Variants in XRCC1 observed in about 807,000 individuals in gnomAD.
XRCC1 encodes X-ray repair cross complementing 1, also known as DNA repair protein XRCC1.
Under a neutral mutation model 83.3 loss-of-function variants are expected in XRCC1, and 52 were observed. The ratio of observed to expected loss-of-function variants is 0.62; its 90% CI spans 0.50 to 0.79. The LOEUF (loss-of-function observed/expected upper bound fraction) is 0.79, where lower values mean the gene tolerates loss of function less well. Ranked by LOEUF, XRCC1 falls within the 30% of genes least tolerant of loss-of-function variation. The pLI is 0.00. For missense variants in XRCC1, 793 were observed against 823.5 expected (o/e 0.96, Z 0.45); for synonymous variants, 281 against 312.6 (o/e 0.90, Z 1.07).
intron 2 of XRCC1, among the ~76,000 whole-genome samples, chr19:43,562,711 C>T (rs1972712787): frequency 6.6e-6 from 1 of 152,106 alleles, no homozygotes; most frequent in Non-Finnish European, 1.5e-5. Flanking sequence ...CATCACTGTA[C>T]TCTGGGCGAC....
intron 2 of XRCC1, among the ~76,000 whole-genome samples, chr19:43,573,667 G>A (rs181604056): frequency 1.3e-4 from 20 of 152,204 alleles, no homozygotes; most frequent in African/African-American, 4.8e-4. Flanking sequence ...GAGCCCAGGA[G>A]TTTGAGACCA....
chr19:43,553,160 G>A, intron 6 of XRCC1, 69 bp from the exon 7 acceptor site: 1 of 1,469,196 alleles, frequency 6.8e-7, no homozygotes, highest in Non-Finnish European at 9.3e-7. Flanking sequence ...CCTATCTATG[G>A]GACACAGAAT....
intron 12 of XRCC1, 41 bp downstream of exon 12, chr19:43,546,554 C>G (rs757409494): frequency 1.3e-6 from 2 of 1,578,028 alleles, no homozygotes; most frequent in African/African-American, 2.8e-5. Flanking sequence ...CCCTCAGACT[C>G]AGGAGCCCAG....
intron 10 of XRCC1, 90 bp from the exon 11 acceptor site, chr19:43,547,067 A>G: frequency 7.9e-7 from 1 of 1,267,094 alleles, no homozygotes. Flanking sequence ...TTACTAAAAT[A>G]CTCACTCTAG....
chr19:43,555,974 C>T (rs1469094299), intron 3 of XRCC1, among the ~76,000 whole-genome samples: 2 of 152,174 alleles, frequency 1.3e-5, no homozygotes, highest in Admixed American at 6.6e-5. Flanking sequence ...ACTGCAGCCT[C>T]GACCTCTGGG....
chr19:43,574,886 G>A, intron 2 of XRCC1, 24 bp downstream of exon 2: 2 of 1,594,602 alleles, frequency 1.3e-6, no homozygotes, highest in Non-Finnish European at 1.7e-6. Flanking sequence ...TCCTAGTGAG[G>A]AGGAGGTGGG....
chr19:43,548,765 T>TAAAAAAAAA (rs1568512364), intron 10 of XRCC1, among the ~76,000 whole-genome samples: 1 of 15,052 alleles, frequency 6.6e-5, no homozygotes, highest in Non-Finnish European at 1.2e-4. Flanking sequence ...CCAAGAATGA[T>TAAAAAAAAA]CAAAAAAAAA....
chr19:43,560,945 T>C lies in XRCC1; in HGVS notation c.220A>G (p.Ser74Gly), dbSNP rs1439820310. 1.9e-6 allele frequency: 3 copies of C among 1,614,204 alleles called. No individual in the cohort carries two copies. Among genetic ancestry groups the C allele is most frequent in the Non-Finnish European group, 2.5e-6 (3 of 1,180,030 alleles). ...TGCTCCCCAGCGCCTCCAGCTGAAC[T>C]GCCCACCAGCACCTCCACGAAAGCT... is the stretch of plus-strand genomic sequence containing the variant. ...GSAFVEVLVG[S>G]SAGGAGEQDY... The change falls in exon 3 of 17, where the codon AGT becomes GGT. Residue 74 changes from serine to glycine, a missense_variant. Transcript: ENST00000262887.
At chr19:43,569,412 C>T (rs1274973564) in intron 2 of XRCC1, among the ~76,000 whole-genome samples, 1 of 150,760 alleles carries the variant, frequency 6.6e-6, no homozygotes, top group African/African-American at 2.4e-5. Flanking sequence ...GGAGGTCGAG[C>T]CTGTAGTGAG....
At chr19:43,568,497 A>AAAGTAAGT (rs200331399) in intron 2 of XRCC1, among the ~76,000 whole-genome samples, 9 of 151,928 alleles carry the variant, frequency 5.9e-5, no homozygotes, top group African/African-American at 1.9e-4. Context: ...ATTCTGTCTC[A>AAAGTAAGT]AAGTAAGTAA....
chr19:43,558,153 T>C (rs879514523), intron 3 of XRCC1, among the ~76,000 whole-genome samples: 2 of 152,222 alleles, frequency 1.3e-5, no homozygotes, highest in African/African-American at 2.4e-5. Flanking sequence ...GTTTTCTTTT[T>C]TCTTTTTCTC....
At chr19:43,560,870 G>A (rs1568516313) in intron 3 of XRCC1, 40 bp downstream of exon 3, 1 of 1,521,998 alleles carries the variant, frequency 6.6e-7, no homozygotes, top group Middle Eastern at 1.7e-4. Flanking sequence ...AGCATGAGGG[G>A]CAGAGGTCAG....
intron 2 of XRCC1, among the ~76,000 whole-genome samples, chr19:43,566,570 G>C (rs1337153498): frequency 1.4e-5 from 2 of 143,428 alleles, no homozygotes; most frequent in Non-Finnish European, 3.1e-5. Flanking sequence ...TACTTTTTAA[G>C]AATCTGATAA....
At chr19:43,572,095 T>C (rs924955809) in intron 2 of XRCC1, among the ~76,000 whole-genome samples, 26 of 152,168 alleles carry the variant, frequency 1.7e-4, no homozygotes, top group African/African-American at 5.3e-4. Context: ...GGGTTTACCA[T>C]GTTGGTGACC....
intron 2 of XRCC1, among the ~76,000 whole-genome samples, chr19:43,566,354 G>A (rs1295477284): frequency 4.0e-5 from 6 of 151,788 alleles, no homozygotes; most frequent in African/African-American, 1.5e-4. Flanking sequence ...CCAAGAGGGT[G>A]AAACCCCGTC....
chr19:43,545,401 A>G lies in XRCC1; in HGVS notation c.1621+417T>C, dbSNP rs535482960. Among the ~76,000 whole-genome samples, 8 of 152,350 alleles carry G rather than the reference A, an allele frequency of 5.3e-5. No individual in the cohort carries two copies. The South Asian group carries it at 1.7e-3, about 32-fold the overall frequency. On this transcript the variant is annotated intron_variant, in intron 14 of 16. Transcript: ENST00000262887. Reference sequence around the variant, plus strand: ...CCAGAGTGATGGCTGATGTTAAAGCAGACACTGGTGTGCACCCACCCAGGG... The same window carrying G: ...CCAGAGTGATGGCTGATGTTAAAGCGGACACTGGTGTGCACCCACCCAGGG...
chr19:43,552,243 G>C lies in XRCC1; in HGVS notation c.856C>G (p.Pro286Ala), dbSNP rs747428172. 1.9e-6 allele frequency: 3 copies of C among 1,611,708 alleles called. No individual in the cohort carries two copies. The highest frequency in any genetic ancestry group is 1.1e-5 in the South Asian group (1 of 90,928). The change falls in exon 9 of 17, where the codon CCA (proline) becomes GCA (alanine). Residue 286 changes from proline to alanine, a missense_variant. Physicochemically the swap from Pro to Ala is conservative, Grantham distance 27. Coordinates refer to ENST00000262887, the MANE Select transcript of XRCC1 (RefSeq NM_006297.3). The part of the protein sequence containing the change: ...PAPTRTPATA[P>A]VPARAQGAVT... ...GCCCCCTGTGCTCGGGCAGGGACTG[G>C]GGCTGTGGCTGGGGTACGAGTTGGA... is the stretch of plus-strand genomic sequence containing the variant.
chr19:43,575,517 G>A lies in XRCC1; in HGVS notation c.-59C>T. The stretch of plus-strand genomic sequence containing the variant: ...TGAGGTAGAGTATGGGGTCCGAGGG[G>A]CAGGGAGAGTGGGAGGGGGCGGGGT... On this transcript the variant is annotated 5_prime_UTR_variant, in exon 1 of 17. Coordinates refer to ENST00000262887, the MANE Select transcript of XRCC1 (RefSeq NM_006297.3). The A allele has an allele frequency of 6.4e-7, 1 of 1,569,490 alleles. No homozygotes were observed. Among genetic ancestry groups the A allele is most frequent in the East Asian group, 2.3e-5 (1 of 43,656 alleles).
At chr19:43,561,104 T>A in intron 2 of XRCC1, 84 bp from the exon 3 acceptor site, 1 of 1,082,054 alleles carries the variant, frequency 9.2e-7, no homozygotes, top group South Asian at 1.3e-5. Flanking sequence ...CTCCTTTGGA[T>A]CACCATGTCC....
Sources: gnomAD v4.1 joint callset for allele counts (sites outside exome capture counted in the v4.1 genomes callset) on GRCh38, gnomAD v4.1.1 for gene constraint, MANE v1.5 for transcripts, NCBI Gene and HGNC (gene_info 2026-07-23, HGNC 2026-07-21) for gene names.